The following GOLGB1 variants were observed in gnomAD, a reference collection of about 807,000 sequenced individuals.
GOLGB1 encodes the protein golgin subfamily B member 1.
GOLGB1 carries 174 observed loss-of-function variants against 336.9 expected under a neutral mutation model. The ratio of observed to expected loss-of-function variants is 0.52; its 90% CI spans 0.46 to 0.59. GOLGB1 has a LOEUF of 0.59. GOLGB1 is among the 20% of genes least tolerant of loss of function. The pLI is 0.00. For missense variants in GOLGB1, 3,331 were observed against 3,645.3 expected (o/e 0.91, Z 2.22); for synonymous variants, 1,208 against 1,289.2 (o/e 0.94, Z 1.35).
chr3:121,668,329 G>A, intron 18 of GOLGB1, 171 bp from the exon 19 acceptor site: 1 of 452,146 alleles, frequency 2.2e-6, no homozygotes, highest in Non-Finnish European at 3.9e-6. Context: ...TAAAACTCTT[G>A]TCTTGATTAG....
intron 18 of GOLGB1, 169 bp from the exon 19 acceptor site, chr3:121,668,327 T>C (rs1345265682): frequency 6.6e-6 from 3 of 456,828 alleles, no homozygotes. Flanking sequence ...CATAAAACTC[T>C]TGTCTTGATT....
chr3:121,704,555 A>T (rs1943657301), intron 10 of GOLGB1, among the ~76,000 whole-genome samples: 1 of 152,166 alleles, frequency 6.6e-6, no homozygotes, highest in South Asian at 2.1e-4. Flanking sequence ...AGGCAGGTGG[A>T]TCATCTGAGG....
At chr3:121,673,117 T>G (rs1220114174) in intron 17 of GOLGB1, among the ~76,000 whole-genome samples, 2 of 151,672 alleles carry the variant, frequency 1.3e-5, no homozygotes, top group African/African-American at 4.8e-5. Flanking sequence ...TCACCCAGGC[T>G]GGAGTGCAGT....
At position 121,699,825 on chromosome 3, in the gene GOLGB1, C is replaced by A; in HGVS notation, c.1580G>T (p.Arg527Ile). The A allele has an allele frequency of 1.9e-6, 3 of 1,599,914 alleles. No homozygotes were observed. The highest frequency in any genetic ancestry group is 2.6e-6 in the Non-Finnish European group (3 of 1,168,114). Residue 527 changes from arginine to isoleucine, a missense_variant, in exon 12 of 22, where the codon AGA becomes ATA. Coordinates refer to ENST00000614479, the MANE Select transcript of GOLGB1 (RefSeq NM_001366282.2). ...EAQNRTGEAD[R>I]EVSEISIVDI... is the part of the protein sequence containing the mutation. ...CACATCACTTACCTCACTGACTTCT[C>A]TGTCTGCCTCCCCAGTTCTATTCTG...
chr3:121,673,686 G>GCTATCTATCCAT lies in GOLGB1; in HGVS notation c.9177+3206_9177+3207insATGGATAGATAG, dbSNP rs755658970. 9.0e-3 allele frequency among the ~76,000 whole-genome samples: 1,309 copies of GCTATCTATCCAT among 145,558 alleles called. 5 individuals are homozygous for GCTATCTATCCAT. Among genetic ancestry groups the GCTATCTATCCAT allele is most frequent in the African/African-American group, 0.015 (591 of 39,378 alleles). ...CTTTGTAGCTATTATAAATGGGATT[G>GCTATCTATCCAT]CTATCTATCTATCTATCTATCTATC... On this transcript the variant is annotated intron_variant, in intron 17 of 21. Transcript: ENST00000614479.
intron 14 of GOLGB1, among the ~76,000 whole-genome samples, chr3:121,688,813 T>C (rs1453783964): frequency 2.1e-5 from 3 of 145,748 alleles, no homozygotes; most frequent in Non-Finnish European, 4.5e-5. Flanking sequence ...GTCTGGGATG[T>C]GAGGAGCGCC....
intron 6 of GOLGB1, among the ~76,000 whole-genome samples, chr3:121,721,773 A>T (rs911784145): frequency 8.0e-5 from 12 of 150,924 alleles, no homozygotes; most frequent in African/African-American, 2.9e-4. Flanking sequence ...GCCATTTAAC[A>T]TAAAATCACA....
At chr3:121,688,335 G>A (rs369273536) in intron 14 of GOLGB1, among the ~76,000 whole-genome samples, 1 of 152,180 alleles carries the variant, frequency 6.6e-6, no homozygotes, top group African/African-American at 2.4e-5. Context: ...GCAGGCGCGC[G>A]CCGCCACGCC....
At chr3:121,708,868 C>T (rs561840036) in intron 10 of GOLGB1, among the ~76,000 whole-genome samples, 1 of 152,042 alleles carries the variant, frequency 6.6e-6, no homozygotes, top group Admixed American at 6.5e-5. Flanking sequence ...GACCTAAATC[C>T]AATCACATCA....
intron 1 of GOLGB1, among the ~76,000 whole-genome samples, chr3:121,745,179 T>C (rs1263101977): frequency 6.6e-6 from 1 of 152,032 alleles, no homozygotes; most frequent in Non-Finnish European, 1.5e-5. Context: ...CTCCCCTCTA[T>C]TAGGCTCACT....
intron 13 of GOLGB1, 115 bp downstream of exon 13, chr3:121,693,626 C>T (rs1942668730): frequency 9.3e-6 from 7 of 755,494 alleles, no homozygotes; most frequent in Middle Eastern, 7.4e-4. Flanking sequence ...AATATATCTT[C>T]CATGGACATT....
chr3:121,743,627 T>A, intron 1 of GOLGB1, among the ~76,000 whole-genome samples: 1 of 152,254 alleles, frequency 6.6e-6, no homozygotes, highest in South Asian at 2.1e-4. Context: ...AAAATACAGT[T>A]AATCAAAATT....
chr3:121,722,845 C>T lies in GOLGB1; in HGVS notation c.532-467G>A, dbSNP rs116761637. On this transcript the variant is annotated intron_variant, in intron 5 of 21. Transcript: ENST00000614479. Reference sequence around the variant, plus strand: ...CAATGTATTTATTTGCTGGAATGAACAGCTGGCCAATTTTAGAATAGTGGC... The same window carrying T: ...CAATGTATTTATTTGCTGGAATGAATAGCTGGCCAATTTTAGAATAGTGGC... Among the ~76,000 whole-genome samples the T allele has an allele frequency of 2.5e-3, 375 of 152,252 alleles. 3 individuals are homozygous for T. Among genetic ancestry groups the T allele is most frequent in the African/African-American group, 8.7e-3 (363 of 41,550 alleles).
Position 121,692,536 on chromosome 3 carries a change from C to T in GOLGB1, c.6828G>A (p.Glu2276=), listed in dbSNP as rs780823814. Residue 2276 remains glutamate, a synonymous_variant, in exon 14 of 22, where the codon GAG becomes GAA. Transcript: ENST00000614479. ...KQIWESKAQT[E]VQLQQKVCDT... The stretch of plus-strand genomic sequence containing the variant: ...CACAGACCTTCTGCTGAAGCTGGAC[C>T]TCTGTCTGGGCCTTGGACTCCCAAA... 3 of 1,608,378 alleles carry T rather than the reference C, an allele frequency of 1.9e-6. No individual in the cohort carries two copies. The highest frequency in any genetic ancestry group is 2.2e-5 in the East Asian group (1 of 44,856).
intron 8 of GOLGB1, among the ~76,000 whole-genome samples, chr3:121,717,790 T>G (rs1944889545): frequency 6.6e-6 from 1 of 152,152 alleles, no homozygotes; most frequent in Non-Finnish European, 1.5e-5. Flanking sequence ...AGGTCAAGTA[T>G]CCCTTATTCT....
At chr3:121,729,036 G>T in intron 4 of GOLGB1, 152 bp downstream of exon 4, 1 of 502,794 alleles carries the variant, frequency 2.0e-6, no homozygotes, top group Non-Finnish European at 3.5e-6. Context: ...CTACAGTCCA[G>T]CTGAACTACA....
intron 10 of GOLGB1, among the ~76,000 whole-genome samples, chr3:121,714,182 C>A (rs534515213): frequency 1.4e-4 from 22 of 152,250 alleles, no homozygotes; most frequent in African/African-American, 4.6e-4. Flanking sequence ...ACTCTGCTGA[C>A]CAATATGTTT....
chr3:121,694,799 T>C lies in GOLGB1; in HGVS notation c.5724A>G (p.Glu1908=). Residue 1908 remains glutamate (E), a synonymous_variant, in exon 13 of 22, where the codon GAA becomes GAG. Coordinates refer to ENST00000614479, the MANE Select transcript of GOLGB1 (RefSeq NM_001366282.2). ...KMNLLNQQIQ[E]ELSRVTKLKE... is the part of the protein sequence containing the mutation. Reference sequence around the variant, plus strand: ...TTAGTTTGGTAACTCTGGAGAGTTCTTCTTGGATTTGCTGATTTAACAGGT... The same window carrying C: ...TTAGTTTGGTAACTCTGGAGAGTTCCTCTTGGATTTGCTGATTTAACAGGT... 6.2e-7 allele frequency: 1 copy of C among 1,613,496 alleles called. No individual in the cohort carries two copies. The highest frequency in any genetic ancestry group is 8.5e-7 in the Non-Finnish European group (1 of 1,179,850).
At chr3:121,708,897 C>G (rs1371447615) in intron 10 of GOLGB1, among the ~76,000 whole-genome samples, 1 of 152,040 alleles carries the variant, frequency 6.6e-6, no homozygotes, top group Non-Finnish European at 1.5e-5. Flanking sequence ...ATTAAAAGGA[C>G]TAGGCACTCC....
Sources: allele counts gnomAD v4.1 joint callset (sites outside exome capture counted in the v4.1 genomes callset), GRCh38; gene constraint gnomAD v4.1.1; transcripts MANE v1.5; gene names NCBI Gene and HGNC (gene_info 2026-07-23, HGNC 2026-07-21).